PRKG1: variants seen among roughly 807,000 people sequenced by gnomAD.
PRKG1 encodes the protein protein kinase cGMP-dependent 1.
Under a neutral mutation model 88.1 loss-of-function variants are expected in PRKG1, and 35 were observed. The ratio of observed to expected loss-of-function variants is 0.40; its 90% CI spans 0.30 to 0.53. The LOEUF is 0.53. PRKG1 is among the 20% of genes least tolerant of loss of function. The pLI, the probability that PRKG1 is intolerant of heterozygous loss-of-function variation, is 0.59. For missense variants in PRKG1, 540 were observed against 839.8 expected, an observed-to-expected ratio of 0.64 and a Z score of 4.41; for synonymous variants, 303 against 292.5, an observed-to-expected ratio of 1.04 and a Z score of -0.37.
chr10:52,036,293 G>A (rs1480823778), intron 5 of PRKG1, among the ~76,000 whole-genome samples: 7 of 152,120 alleles, frequency 4.6e-5, no homozygotes, highest in Non-Finnish European at 2.9e-5. Flanking sequence ...AGGTACTGAG[G>A]ATAGGAGAGT....
chr10:51,709,127 A>G (rs1841680497), intron 3 of PRKG1, among the ~76,000 whole-genome samples: 1 of 152,190 alleles, frequency 6.6e-6, no homozygotes, highest in South Asian at 2.1e-4. Flanking sequence ...AAAATAGATC[A>G]TTTTCTTAGA....
At chr10:51,621,007 G>GTATATATATATA (rs370817382) in intron 3 of PRKG1, among the ~76,000 whole-genome samples, 6,532 of 121,712 alleles carry the variant, frequency 0.054, 272 homozygotes, top group East Asian at 0.097. Context: ...GTGTATATGT[G>GTATATATATATA]TGTATATATA....
chr10:51,532,014 T>C (rs111570458), intron 3 of PRKG1, among the ~76,000 whole-genome samples: 20 of 152,114 alleles, frequency 1.3e-4, no homozygotes, highest in African/African-American at 4.8e-4. Flanking sequence ...AGAAAGAATG[T>C]ACTTTTACAA....
chr10:51,195,381 C>A lies in PRKG1; in HGVS notation c.478+42051C>A, dbSNP rs189311403. ...AACGTCAGTTTTCAATTTTTTAATT[C>A]TTTTGCTGTTTAAAATAATCAAACA... On this transcript the variant is annotated intron_variant, in intron 2 of 17. Transcript: ENST00000373980. 2.4e-4 allele frequency among the ~76,000 whole-genome samples: 37 copies of A among 152,212 alleles called. 1 individual carries two copies. Among genetic ancestry groups the A allele is most frequent in the African/African-American group, 8.4e-4 (35 of 41,552 alleles).
chr10:51,112,258 G>A (rs1844996749), intron 1 of PRKG1, among the ~76,000 whole-genome samples: 4 of 152,034 alleles, frequency 2.6e-5, no homozygotes, highest in Admixed American at 6.6e-5. Context: ...AGGAAACAAT[G>A]CCTTGACTAC....
chr10:52,016,487 G>A (rs1053293952), intron 5 of PRKG1, among the ~76,000 whole-genome samples: 3 of 152,188 alleles, frequency 2.0e-5, no homozygotes, highest in Non-Finnish European at 4.4e-5. Context: ...TGAGATTCAA[G>A]TGGGGACACA....
chr10:51,667,053 C>T (rs1196765233), intron 3 of PRKG1, among the ~76,000 whole-genome samples: 1 of 152,086 alleles, frequency 6.6e-6, no homozygotes, highest in African/African-American at 2.4e-5. Context: ...CCACCTGCCT[C>T]ACCGTCCCAA....
chr10:51,655,982 T>C (rs1840151456), intron 3 of PRKG1, among the ~76,000 whole-genome samples: 1 of 152,166 alleles, frequency 6.6e-6, no homozygotes, highest in Admixed American at 6.6e-5. Flanking sequence ...TGATTCATTT[T>C]TAAAAGTCAG....
chr10:52,139,302 A>G (rs1360203511), intron 8 of PRKG1, among the ~76,000 whole-genome samples: 6 of 152,170 alleles, frequency 3.9e-5, no homozygotes, highest in Admixed American at 6.6e-5. Context: ...CTTTACCAGT[A>G]CTAGTAGGAA....
chr10:51,126,454 T>C (rs1023007598), intron 1 of PRKG1, among the ~76,000 whole-genome samples: 5 of 143,072 alleles, frequency 3.5e-5, no homozygotes, highest in African/African-American at 1.0e-4. Flanking sequence ...TTCATATATT[T>C]ATATATTTAT....
At chr10:52,141,719 C>T (rs1165352921) in intron 8 of PRKG1, among the ~76,000 whole-genome samples, 1 of 152,040 alleles carries the variant, frequency 6.6e-6, no homozygotes, top group Non-Finnish European at 1.5e-5. Context: ...GGCCATCAAT[C>T]AAAATTTAAC....
chr10:51,092,611 G>A (rs1350092792), intron 1 of PRKG1, among the ~76,000 whole-genome samples: 1 of 152,146 alleles, frequency 6.6e-6, no homozygotes, highest in Non-Finnish European at 1.5e-5. Flanking sequence ...TGGGTTATGA[G>A]CCAACTGGGG....
At chr10:51,318,133 T>C (rs907020776) in intron 2 of PRKG1, among the ~76,000 whole-genome samples, 1 of 152,212 alleles carries the variant, frequency 6.6e-6, no homozygotes, top group Admixed American at 6.5e-5. Flanking sequence ...ACACTCTACT[T>C]ACTTATGTGT....
At chr10:51,872,720 A>C (rs1841190509) in intron 4 of PRKG1, among the ~76,000 whole-genome samples, 1 of 152,052 alleles carries the variant, frequency 6.6e-6, no homozygotes, top group Non-Finnish European at 1.5e-5. Flanking sequence ...TTGTCTCATT[A>C]ATCATTGTAT....
chr10:51,054,594 A>G (rs1273385353), intron 1 of PRKG1, among the ~76,000 whole-genome samples: 2 of 152,178 alleles, frequency 1.3e-5, no homozygotes, highest in African/African-American at 4.8e-5. Flanking sequence ...AAATCCTGAG[A>G]AGAAAATGGT....
intron 3 of PRKG1, among the ~76,000 whole-genome samples, chr10:51,469,892 A>C (rs560533633): frequency 3.0e-4 from 45 of 151,934 alleles, no homozygotes; most frequent in Non-Finnish European, 5.9e-4. Context: ...TTTGTGCATG[A>C]ATCAGAAACA....
chr10:51,940,395 C>A (rs1029240466), intron 5 of PRKG1, among the ~76,000 whole-genome samples: 2 of 151,876 alleles, frequency 1.3e-5, no homozygotes, highest in African/African-American at 4.8e-5. Context: ...TTAATCCTGG[C>A]TGCTCTTAAA....
rs758817416 is a variant in PRKG1, at chr10:51,231,710, A to AT, written c.478+78396dup. On this transcript the variant is annotated intron_variant, in intron 2 of 17. Coordinates refer to ENST00000373980, the MANE Select transcript of PRKG1 (RefSeq NM_006258.4). ...GGAATTATTTGGCAACATCTGAAAC[A>AT]TTTTTTTTTTTTTTTTACCTACAAC... 8.8e-3 allele frequency among the ~76,000 whole-genome samples: 1,234 copies of AT among 140,154 alleles called. 6 individuals are homozygous for AT. Among genetic ancestry groups the AT allele is most frequent in the South Asian group, 0.026 (112 of 4,368 alleles). 91.9% of individuals were successfully genotyped at this position (140,154 alleles called of 152,430 possible).
intron 2 of PRKG1, among the ~76,000 whole-genome samples, chr10:51,400,169 A>T (rs1301961969): frequency 2.0e-5 from 3 of 152,202 alleles, no homozygotes; most frequent in Non-Finnish European, 4.4e-5. Flanking sequence ...GGAAAGAAAG[A>T]GCAATGATTA....
Sources: allele counts gnomAD v4.1 joint callset (sites outside exome capture counted in the v4.1 genomes callset), GRCh38; gene constraint gnomAD v4.1.1; transcripts MANE v1.5; gene names NCBI Gene and HGNC (gene_info 2026-07-23, HGNC 2026-07-21).